The following DAB1 variants were observed in gnomAD, a reference collection of about 807,000 sequenced individuals.
DAB1 encodes DAB adaptor protein 1.
In DAB1, 15 loss-of-function variants were observed where a neutral mutation model predicts 64.6. The ratio of observed to expected loss-of-function variants is 0.23; its 90% CI spans 0.16 to 0.36. The LOEUF (loss-of-function observed/expected upper bound fraction) is 0.36. Ranked by LOEUF, DAB1 falls within the 10% of genes least tolerant of loss-of-function variation. The pLI is 1.00. For synonymous variants in DAB1, 235 were observed against 251.9 expected (o/e 0.93, Z 0.64); for missense variants, 596 against 706.7 (o/e 0.84, Z 1.78).
chr1:57,089,573 G>A (rs1040654292), intron 4 of DAB1, among the ~76,000 whole-genome samples: 5 of 151,960 alleles, frequency 3.3e-5, no homozygotes, highest in Non-Finnish European at 2.9e-5. Flanking sequence ...GTGAGGTGGG[G>A]GTGAGGGATG....
At position 57,003,069 on chromosome 1, in the gene DAB1, T is replaced by G. The variant is rs74074393; in HGVS notation, c.*16-4941A>C. Among the ~76,000 whole-genome samples, 616 of 152,296 alleles carry G rather than the reference T, an allele frequency of 4.0e-3. 6 individuals are homozygous for G. The highest frequency in any genetic ancestry group is 0.014 in the African/African-American group (587 of 41,564). On this transcript the variant is annotated intron_variant, in intron 14 of 14. Coordinates refer to ENST00000371236, the MANE Select transcript of DAB1 (RefSeq NM_001365792.1). ...CAAATGGCCTCTCCTTCATAGCACA[T>G]AGGTGCAATTGCAGATGAGCTCTCA...
At chr1:57,089,212 A>G (rs1653392582) in intron 4 of DAB1, among the ~76,000 whole-genome samples, 1 of 152,246 alleles carries the variant, frequency 6.6e-6, no homozygotes, top group South Asian at 2.1e-4. Flanking sequence ...CAAACTATTC[A>G]AAGTGTATCC....
intron 4 of DAB1, among the ~76,000 whole-genome samples, chr1:57,118,524 A>G (rs1269479526): frequency 6.6e-6 from 1 of 152,212 alleles, no homozygotes; most frequent in Non-Finnish European, 1.5e-5. Flanking sequence ...TCTATGCTAA[A>G]AAAGTCAGAA....
chr1:57,110,272 T>C (rs1395114106), intron 4 of DAB1, among the ~76,000 whole-genome samples: 1 of 152,154 alleles, frequency 6.6e-6, no homozygotes, highest in Non-Finnish European at 1.5e-5. Context: ...TACAAAATAT[T>C]CTCAATTCAG....
At chr1:58,428,782 A>G (rs1431724312) in intron 3 of DAB1, among the ~76,000 whole-genome samples, 1 of 152,236 alleles carries the variant, frequency 6.6e-6, no homozygotes, top group Non-Finnish European at 1.5e-5. Context: ...ACCATCCTTT[A>G]TACTTCTGTA....
intron 3 of DAB1, among the ~76,000 whole-genome samples, chr1:58,356,804 T>G (rs949054443): frequency 1.3e-5 from 2 of 152,114 alleles, no homozygotes; most frequent in Non-Finnish European, 2.9e-5. Flanking sequence ...AAGGATTGCT[T>G]GAGCCCAGGA....
chr1:57,136,364 T>C (rs1361787486), intron 4 of DAB1, among the ~76,000 whole-genome samples, 179 bp downstream of exon 4: 1 of 152,172 alleles, frequency 6.6e-6, no homozygotes, highest in African/African-American at 2.4e-5. Flanking sequence ...AGTGCAGCCA[T>C]ACTGTGGCCA....
At chr1:57,015,479 AAAG>A in intron 11 of DAB1, 48 bp from the exon 12 acceptor site, 1 of 1,521,104 alleles carries the variant, frequency 6.6e-7, no homozygotes, top group Non-Finnish European at 8.9e-7. Flanking sequence ...GTGTCCTGGG[AAAG>A]AAGGATGCAT....
chr1:57,959,706 G>A (rs1428348629), intron 5 of DAB1, among the ~76,000 whole-genome samples: 1 of 152,122 alleles, frequency 6.6e-6, no homozygotes. Flanking sequence ...CTGTCCAAAG[G>A]AATTCACAGC....
chr1:57,900,354 CTTCT>C, intron 5 of DAB1, among the ~76,000 whole-genome samples: 1 of 152,250 alleles, frequency 6.6e-6, no homozygotes, highest in East Asian at 1.9e-4. Context: ...CCCCTGCTGC[CTTCT>C]TTATTTGAGA....
chr1:57,692,141 C>G (rs1646771883), intron 6 of DAB1, among the ~76,000 whole-genome samples: 1 of 152,046 alleles, frequency 6.6e-6, no homozygotes, highest in Non-Finnish European at 1.5e-5. Flanking sequence ...TCACGTTGCC[C>G]AAGTGAGACT....
intron 5 of DAB1, among the ~76,000 whole-genome samples, chr1:57,895,067 C>A (rs896965164): frequency 6.6e-6 from 1 of 151,468 alleles, no homozygotes; most frequent in African/African-American, 2.4e-5. Context: ...TGCACAGTAG[C>A]CCTTTGAAAG....
chr1:57,277,344 C>T (rs1192576528), intron 2 of DAB1, among the ~76,000 whole-genome samples: 1 of 152,080 alleles, frequency 6.6e-6, no homozygotes, highest in Non-Finnish European at 1.5e-5. Context: ...ATTTAAAATG[C>T]CTGTACATTA....
At chr1:57,585,788 A>T (rs1392812900) in intron 7 of DAB1, among the ~76,000 whole-genome samples, 3 of 152,248 alleles carry the variant, frequency 2.0e-5, no homozygotes, top group African/African-American at 7.2e-5. Flanking sequence ...TATAAATATG[A>T]TTACTACATG....
At chr1:57,442,063 G>A (rs1685979993) in intron 7 of DAB1, among the ~76,000 whole-genome samples, 2 of 152,106 alleles carry the variant, frequency 1.3e-5, no homozygotes, top group South Asian at 4.1e-4. Flanking sequence ...TATATTTGTT[G>A]TATAGGCTCA....
At position 57,714,674 on chromosome 1, in the gene DAB1, G is replaced by A. The variant is rs553250596; in HGVS notation, n.552-65009C>T. Among the ~76,000 whole-genome samples the A allele has an allele frequency of 1.2e-4, 18 of 152,318 alleles. 1 individual carries two copies. The Middle Eastern group carries it at 0.01, about 86-fold the overall frequency. Reference sequence around the variant, plus strand: ...AAGAGTTAAGTAACAGAGAATGACCGGGAAAATGAATTAGGGGCAAAGGGG... The same window carrying A: ...AAGAGTTAAGTAACAGAGAATGACCAGGAAAATGAATTAGGGGCAAAGGGG... On this transcript the variant is annotated intron_variant and non_coding_transcript_variant, in intron 6 of 20. Coordinates refer to the DAB1 transcript ENST00000485760.
At chr1:58,168,927 C>A (rs754493285) in intron 4 of DAB1, among the ~76,000 whole-genome samples, 2 of 152,276 alleles carry the variant, frequency 1.3e-5, no homozygotes, top group East Asian at 1.9e-4. Flanking sequence ...CGATTTTTCT[C>A]GGTCCTCTTT....
At chr1:58,079,248 A>G (rs2764688) in intron 5 of DAB1, among the ~76,000 whole-genome samples, 133,848 of 152,172 alleles carry the variant, frequency 0.88, 59,056 homozygotes, top group East Asian at 1. Flanking sequence ...CAGACATCAC[A>G]TCATCAGGGA....
At chr1:57,463,351 T>C (rs1315271981) in intron 7 of DAB1, among the ~76,000 whole-genome samples, 2 of 152,224 alleles carry the variant, frequency 1.3e-5, no homozygotes, top group Non-Finnish European at 2.9e-5. Flanking sequence ...ATCCATATTA[T>C]AAAAGGTATG....
Sources: allele counts gnomAD v4.1 joint callset (sites outside exome capture counted in the v4.1 genomes callset), GRCh38; gene constraint gnomAD v4.1.1; transcripts MANE v1.5; gene names NCBI Gene and HGNC (gene_info 2026-07-23, HGNC 2026-07-21).